Variants in B3GALT1 observed in about 807,000 individuals in gnomAD.
B3GALT1 encodes the protein UDP-Gal:betaGlcNAc beta 1,3-galactosyltransferase, polypeptide 1.
In B3GALT1, 10 loss-of-function variants were observed where a neutral mutation model predicts 23.2. The observed-to-expected ratio is 0.43, with a 90% CI of 0.27 to 0.73. The LOEUF is 0.73. Among genes scored for constraint, B3GALT1 ranks in the 30% least tolerant of loss-of-function variants. The pLI, the probability that B3GALT1 is intolerant of heterozygous loss-of-function variation, is 0.21. For missense variants in B3GALT1, 299 were observed against 405.4 expected (o/e 0.74, Z 2.25); for synonymous variants, 156 against 141.5 (o/e 1.10, Z -0.73).
chr2:167,651,257 TGTGTGTGTGTGTGTGCGC>T (rs1017167638), intron 3 of B3GALT1, among the ~76,000 whole-genome samples: 11 of 10,078 alleles, frequency 1.1e-3, no homozygotes, highest in Admixed American at 0.01. Context: ...TGTGTGTGTG[TGTGTGTGTGTGTGTGCGC>T]GCACGTGCAC....
chr2:167,343,986 A>T (rs2617368), intron 1 of B3GALT1, among the ~76,000 whole-genome samples: 4 of 152,060 alleles, frequency 2.6e-5, no homozygotes, highest in African/African-American at 9.7e-5. Context: ...CCTTGCCTCC[A>T]GAGAAAGAAA....
rs536739723 is a variant in B3GALT1 at position 167,754,582 on chromosome 2, C to T, written c.-351-64090C>T. The stretch of plus-strand genomic sequence containing the variant: ...AGAGGCTTAAAATAGCTAAAATCAA[C>T]AGAGATCAAGCCTCTGGTTTAGAGT... On this transcript the variant is annotated intron_variant, in intron 3 of 4. Coordinates refer to ENST00000392690, the MANE Select transcript of B3GALT1 (RefSeq NM_020981.4). Among the ~76,000 whole-genome samples the T allele has an allele frequency of 1.2e-4, 19 of 152,202 alleles. No homozygotes were observed. The South Asian group carries it at 2.5e-3, about 20-fold the overall frequency.
chr2:167,574,565 A>G (rs1471559719), intron 2 of B3GALT1, among the ~76,000 whole-genome samples: 8 of 151,734 alleles, frequency 5.3e-5, no homozygotes, highest in Non-Finnish European at 1.5e-5. Context: ...TTTCACTTGG[A>G]TATCTAGATT....
intron 3 of B3GALT1, among the ~76,000 whole-genome samples, chr2:167,703,730 G>T (rs1244730450): frequency 6.6e-6 from 1 of 152,170 alleles, no homozygotes; most frequent in Non-Finnish European, 1.5e-5. Context: ...TGCAAGGGCA[G>T]ATCATTTCAG....
At chr2:167,844,013 T>C (rs1689705441) in intron 4 of B3GALT1, among the ~76,000 whole-genome samples, 1 of 152,144 alleles carries the variant, frequency 6.6e-6, no homozygotes, top group East Asian at 1.9e-4. Flanking sequence ...ACAGAGTAAA[T>C]GTGGGAAGAA....
At chr2:167,682,525 A>G (rs1269869499) in intron 3 of B3GALT1, among the ~76,000 whole-genome samples, 1 of 152,370 alleles carries the variant, frequency 6.6e-6, no homozygotes, top group East Asian at 1.9e-4. Context: ...TCAATGACCT[A>G]TTACTGCAGC....
chr2:167,295,834 T>TA (rs1212201361), intron 1 of B3GALT1, among the ~76,000 whole-genome samples: 1 of 151,994 alleles, frequency 6.6e-6, no homozygotes, highest in Admixed American at 6.6e-5. Context: ...AATCTTTTTT[T>TA]AGATAATTTT....
chr2:167,737,853 A>G (rs909892659), intron 3 of B3GALT1, among the ~76,000 whole-genome samples: 1 of 152,218 alleles, frequency 6.6e-6, no homozygotes, highest in Non-Finnish European at 1.5e-5. Flanking sequence ...GACTTAACCC[A>G]TCAGTGGAGT....
intron 2 of B3GALT1, among the ~76,000 whole-genome samples, chr2:167,614,017 CGTTTA>C (rs1187012128): frequency 1.3e-5 from 2 of 151,524 alleles, no homozygotes; most frequent in Non-Finnish European, 3.0e-5. Flanking sequence ...ACACTACTCT[CGTTTA>C]ATATTTTTCT....
At chr2:167,735,068 TC>T (rs1687471094) in intron 3 of B3GALT1, among the ~76,000 whole-genome samples, 1 of 152,162 alleles carries the variant, frequency 6.6e-6, no homozygotes, top group Non-Finnish European at 1.5e-5. Flanking sequence ...CAACAATATT[TC>T]AGCTGTCTCT....
intron 1 of B3GALT1, among the ~76,000 whole-genome samples, chr2:167,451,415 C>A (rs1699089010): frequency 6.6e-6 from 1 of 152,140 alleles, no homozygotes; most frequent in Non-Finnish European, 1.5e-5. Flanking sequence ...TCCCCCTTTT[C>A]CTATGGATGT....
chr2:167,516,998 A>G (rs2105358621), intron 2 of B3GALT1, among the ~76,000 whole-genome samples: 1 of 151,888 alleles, frequency 6.6e-6, no homozygotes, highest in South Asian at 2.1e-4. Flanking sequence ...TGTTATCTAT[A>G]TTAAAAGATT....
At chr2:167,743,756 T>C (rs140707446) in intron 3 of B3GALT1, among the ~76,000 whole-genome samples, 2 of 152,186 alleles carry the variant, frequency 1.3e-5, no homozygotes, top group East Asian at 3.9e-4. Flanking sequence ...ATTTAAACAG[T>C]TTTTACAAAG....
chr2:167,348,574 A>G (rs1697260002), intron 1 of B3GALT1, among the ~76,000 whole-genome samples: 1 of 152,182 alleles, frequency 6.6e-6, no homozygotes, highest in Non-Finnish European at 1.5e-5. Context: ...AAGGCCTTCT[A>G]TGAACTAGTT....
At chr2:167,444,839 G>T (rs961941529) in intron 1 of B3GALT1, among the ~76,000 whole-genome samples, 1 of 151,768 alleles carries the variant, frequency 6.6e-6, no homozygotes, top group Non-Finnish European at 1.5e-5. Context: ...TTGATTTTTT[G>T]AAGAGTTTTT....
intron 1 of B3GALT1, among the ~76,000 whole-genome samples, chr2:167,434,815 C>T (rs1698755007): frequency 1.3e-5 from 2 of 148,586 alleles, no homozygotes; most frequent in Non-Finnish European, 1.5e-5. Flanking sequence ...TTAGTTAACT[C>T]GTCATTTATT....
chr2:167,418,656 A>G (rs1278464666), intron 1 of B3GALT1, among the ~76,000 whole-genome samples: 1 of 149,212 alleles, frequency 6.7e-6, no homozygotes, highest in Non-Finnish European at 1.5e-5. Flanking sequence ...CACTTTCCCA[A>G]TTTCTTCCTT....
intron 3 of B3GALT1, among the ~76,000 whole-genome samples, chr2:167,701,756 A>G (rs1186675856): frequency 6.6e-6 from 1 of 152,242 alleles, no homozygotes; most frequent in Non-Finnish European, 1.5e-5. Context: ...TTTGACTAAC[A>G]TTCAGATAAG....
intron 3 of B3GALT1, among the ~76,000 whole-genome samples, chr2:167,649,901 C>A (rs1050372065): frequency 6.6e-6 from 1 of 151,838 alleles, no homozygotes; most frequent in Non-Finnish European, 1.5e-5. Flanking sequence ...GTTTGAATGT[C>A]TTTTATTTCT....
Sources: allele counts gnomAD v4.1 joint callset (sites outside exome capture counted in the v4.1 genomes callset), GRCh38; gene constraint gnomAD v4.1.1; transcripts MANE v1.5; gene names NCBI Gene and HGNC (gene_info 2026-07-23, HGNC 2026-07-21).